Variants in FNDC3B observed in about 807,000 individuals in gnomAD.
FNDC3B encodes the protein fibronectin type III domain-containing protein 3B.
Under a neutral mutation model 151.5 loss-of-function variants are expected in FNDC3B, and 12 were observed. The observed-to-expected ratio is 0.08, with a 90% CI of 0.05 to 0.13. FNDC3B has a LOEUF of 0.13. FNDC3B is among the 10% of genes least tolerant of loss of function. The pLI, the probability that FNDC3B is intolerant of heterozygous loss-of-function variation, is 1.00. For missense variants in FNDC3B, 1,214 were observed against 1,505.3 expected, an observed-to-expected ratio of 0.81 and a Z score of 3.20; for synonymous variants, 528 against 549.0, an observed-to-expected ratio of 0.96 and a Z score of 0.54.
intron 6 of FNDC3B, among the ~76,000 whole-genome samples, chr3:172,274,191 T>C (rs1729333640): frequency 6.6e-6 from 1 of 152,240 alleles, no homozygotes; most frequent in South Asian, 2.1e-4. Context: ...GTAGCTTCTC[T>C]TTGGATTTCC....
intron 9 of FNDC3B, chr3:172,301,586 G>A (rs892777102): frequency 2.0e-5 from 3 of 152,230 alleles, no homozygotes; most frequent in African/African-American, 4.8e-5. Flanking sequence ...CAATTACGCT[G>A]AGTGCAGTGG....
At chr3:172,393,774 A>T (rs1736135383) in intron 25 of FNDC3B, among the ~76,000 whole-genome samples, 1 of 152,166 alleles carries the variant, frequency 6.6e-6, no homozygotes, top group Admixed American at 6.5e-5. Flanking sequence ...AATGGAAATT[A>T]AAAAATATTT....
At chr3:172,332,750 A>G (rs1209024606) in intron 13 of FNDC3B, among the ~76,000 whole-genome samples, 2 of 152,222 alleles carry the variant, frequency 1.3e-5, no homozygotes, top group African/African-American at 4.8e-5. Flanking sequence ...TGCATAGCAC[A>G]TTGCAGTTTG....
At chr3:172,218,749 A>G (rs770873872) in intron 3 of FNDC3B, among the ~76,000 whole-genome samples, 4 of 152,136 alleles carry the variant, frequency 2.6e-5, no homozygotes, top group Non-Finnish European at 5.9e-5. Context: ...CTAGAATGTG[A>G]TGGAGTCCAG....
At position 172,334,972 on chromosome 3, in the gene FNDC3B, G is replaced by A; in HGVS notation, c.1670G>A (p.Ser557Asn). 2 of 1,613,748 alleles carry A rather than the reference G, an allele frequency of 1.2e-6. No individual in the cohort carries two copies. Among genetic ancestry groups the A allele is most frequent in the Non-Finnish European group, 1.7e-6 (2 of 1,179,816 alleles). Residue 557 changes from serine (S) to asparagine (N), a missense_variant, in exon 15 of 26, where the codon AGC becomes AAC. Coordinates refer to ENST00000415807, the MANE Select transcript of FNDC3B (RefSeq NM_022763.4). ...ACTGCTTCTAATACGGAAGGAAAAA[G>A]CTGTCCAAGCGAAGTTCTTGTTTGT... is the stretch of plus-strand genomic sequence containing the variant. ...RLTASNTEGK[S>N]CPSEVLVCTT...
intron 1 of FNDC3B, among the ~76,000 whole-genome samples, chr3:172,070,642 A>C (rs1170672191): frequency 6.6e-6 from 1 of 152,172 alleles, no homozygotes; most frequent in Non-Finnish European, 1.5e-5. Flanking sequence ...AGCCAAAAAC[A>C]CCTTACACTT....
intron 25 of FNDC3B, among the ~76,000 whole-genome samples, chr3:172,391,797 T>G (rs917110125): frequency 2.6e-5 from 4 of 152,180 alleles, no homozygotes; most frequent in Non-Finnish European, 4.4e-5. Context: ...AGGACTTGCT[T>G]TATCAAACTG....
At chr3:172,223,119 G>A (rs1332889848) in intron 3 of FNDC3B, among the ~76,000 whole-genome samples, 1 of 152,170 alleles carries the variant, frequency 6.6e-6, no homozygotes, top group Non-Finnish European at 1.5e-5. Context: ...AGAGAAATTA[G>A]TGTTTTAATT....
intron 4 of FNDC3B, among the ~76,000 whole-genome samples, chr3:172,233,135 A>C (rs1726971096): frequency 6.6e-6 from 1 of 152,194 alleles, no homozygotes; most frequent in South Asian, 2.1e-4. Flanking sequence ...TTTATTTTCC[A>C]TGCTTCCGTA....
chr3:172,096,686 A>G (rs1339651816), intron 1 of FNDC3B, among the ~76,000 whole-genome samples: 1 of 152,208 alleles, frequency 6.6e-6, no homozygotes, highest in Non-Finnish European at 1.5e-5. Flanking sequence ...TTTCAAATAG[A>G]AAAGCAAGAT....
chr3:172,326,491 A>T (rs1330694980), intron 11 of FNDC3B, among the ~76,000 whole-genome samples: 1 of 152,122 alleles, frequency 6.6e-6, no homozygotes, highest in East Asian at 1.9e-4. Context: ...TGATTTTAAC[A>T]ATTGGTCCTG....
At chr3:172,343,965 A>G in intron 18 of FNDC3B, 121 bp from the exon 19 acceptor site, 1 of 789,174 alleles carries the variant, frequency 1.3e-6, no homozygotes, top group Non-Finnish European at 2.1e-6. Context: ...ATTCTTTTGT[A>G]AGGGAGATAC....
intron 6 of FNDC3B, among the ~76,000 whole-genome samples, chr3:172,282,248 C>T (rs1301923244): frequency 6.6e-6 from 1 of 152,152 alleles, no homozygotes; most frequent in Admixed American, 6.5e-5. Context: ...GTTTTATTTA[C>T]CTTTTCCTTC....
Position 172,187,551 on chromosome 3 carries a change from A to T in FNDC3B, c.188-39320A>T, listed in dbSNP as rs374369976. ...CAATGATATTTAGTAAAAATTGAAG[A>T]CATAATTATCCAGTTACTTCTACAA... On this transcript the variant is annotated intron_variant, in intron 3 of 25. Coordinates refer to ENST00000415807, the MANE Select transcript of FNDC3B (RefSeq NM_022763.4). Among the ~76,000 whole-genome samples, 22 of 152,352 alleles carry T rather than the reference A, an allele frequency of 1.4e-4. 1 individual carries two copies. Among genetic ancestry groups the T allele is most frequent in the African/African-American group, 5.0e-4 (21 of 41,588 alleles).
At chr3:172,046,194 G>C (rs1311690711) in intron 1 of FNDC3B, among the ~76,000 whole-genome samples, 1 of 152,144 alleles carries the variant, frequency 6.6e-6, no homozygotes, top group Non-Finnish European at 1.5e-5. Context: ...GTTTGAAAAT[G>C]GATCGATTGT....
chr3:172,108,813 A>G (rs1279429886), intron 1 of FNDC3B, among the ~76,000 whole-genome samples: 1 of 152,192 alleles, frequency 6.6e-6, no homozygotes, highest in Non-Finnish European at 1.5e-5. Flanking sequence ...TTATGTTTTC[A>G]TGCTTTTATG....
At chr3:172,297,960 T>C (rs1335502896) in intron 8 of FNDC3B, among the ~76,000 whole-genome samples, 2 of 152,218 alleles carry the variant, frequency 1.3e-5, no homozygotes, top group Non-Finnish European at 1.5e-5. Flanking sequence ...GCCTGTTATA[T>C]TTTGAAAAAT....
chr3:172,346,825 T>G (rs1284178124), intron 20 of FNDC3B, among the ~76,000 whole-genome samples: 1 of 152,130 alleles, frequency 6.6e-6, no homozygotes. Context: ...TGCCTCAGCC[T>G]CCTGAGTAGC....
chr3:172,126,544 AGT>A (rs150203758), intron 2 of FNDC3B, among the ~76,000 whole-genome samples: 2 of 152,330 alleles, frequency 1.3e-5, no homozygotes, highest in East Asian at 3.9e-4. Flanking sequence ...GAGCATTTTT[AGT>A]GTGTTTGCCT....
Sources: allele counts gnomAD v4.1 joint callset (sites outside exome capture counted in the v4.1 genomes callset), GRCh38; gene constraint gnomAD v4.1.1; transcripts MANE v1.5; gene names NCBI Gene and HGNC (gene_info 2026-07-23, HGNC 2026-07-21).